The following TRPM2 variants were observed in gnomAD, a reference collection of about 807,000 sequenced individuals.
TRPM2 encodes estrogen-responsive element-associated gene 1 protein.
Under a neutral mutation model 174.0 loss-of-function variants are expected in TRPM2, and 161 were observed. The observed-to-expected ratio is 0.93, with a 90% confidence interval of 0.81 to 1.05. The LOEUF is 1.05. TRPM2 is among the 50% of genes least tolerant of loss of function. TRPM2 has a pLI of 0.00. For synonymous variants in TRPM2, 954 were observed against 861.3 expected (o/e 1.11, Z -1.88); for missense variants, 2,057 against 2,038.0 (o/e 1.01, Z -0.18).
At chr21:44,424,075 G>A (rs2050655745) in intron 23 of TRPM2, among the ~76,000 whole-genome samples, 1 of 152,166 alleles carries the variant, frequency 6.6e-6, no homozygotes, top group Admixed American at 6.5e-5. Flanking sequence ...CAAGACCGAG[G>A]TGGGGAGGAC....
Position 44,354,939 on chromosome 21 carries a change from C to T in TRPM2, c.254+203C>T, listed in dbSNP as rs1347562038. 6.6e-6 allele frequency among the ~76,000 whole-genome samples: 1 copy of T among 152,122 alleles called. No homozygotes were observed. On this transcript the variant is annotated intron_variant, in intron 2 of 31. Transcript: ENST00000397928. The surrounding 1 kb of genome is among the most constrained non-coding windows in gnomAD (Gnocchi z 4.3). ...TCGGGGACAGTTGACCCTCATCCTG[C>T]CTCGCAGGTGCAGGGACCAAAGTGC... is the stretch of plus-strand genomic sequence containing the variant.
rs1176528358 is a variant in TRPM2, at chr21:44,439,018, G to T, written c.4168-49G>T. 2 of 1,528,526 alleles carry T rather than the reference G, an allele frequency of 1.3e-6. No homozygotes were observed. The highest frequency in any genetic ancestry group is 1.4e-5 in the African/African-American group (1 of 73,196). The allele number at this position is 1,528,526 out of a possible 1,614,324, so 94.7% of individuals were successfully genotyped here. On this transcript the variant is annotated intron_variant, in intron 29 of 31. Coordinates refer to ENST00000397928, the MANE Select transcript of TRPM2 (RefSeq NM_003307.4). This position sits in a 1 kb window ranked among gnomAD's most constrained non-coding sequence, Gnocchi z 5.1. The stretch of plus-strand genomic sequence containing the variant: ...GAGACGGGTGCCAGGGCAGCCTGAG[G>T]TCCCGCTTCGGTGCCCTGTTGACCT...
intron 20 of TRPM2, 71 bp from the exon 21 acceptor site, chr21:44,417,856 G>A (rs544007386): frequency 6.7e-4 from 1,010 of 1,508,068 alleles, no homozygotes; most frequent in Non-Finnish European, 8.4e-4. Flanking sequence ...CAGTGGGCAC[G>A]CAGGCGGTGA....
intron 18 of TRPM2, 21 bp downstream of exon 18, chr21:44,406,058 G>C (rs1380835750): frequency 1.2e-6 from 2 of 1,600,696 alleles, no homozygotes; most frequent in Non-Finnish European, 1.7e-6. Context: ...GGGGGCACCG[G>C]CTCCATCGCG....
In TRPM2 at chr21:44,354,686, G is replaced by A. The variant is rs1210402676; in HGVS notation, c.204G>A (p.Lys68=). ...SLSSWIPENI[K]KKECVYFVES... Reference sequence around the variant, plus strand: ...GTTCGTGGATTCCTGAAAACATCAAGAAGAAAGAATGCGTGTATTTTGTGG... The same window carrying A: ...GTTCGTGGATTCCTGAAAACATCAAAAAGAAAGAATGCGTGTATTTTGTGG... The change falls in exon 2 of 32, where the codon AAG becomes AAA. Residue 68 remains lysine, a synonymous_variant. Transcript: ENST00000397928. This position sits in a 1 kb window ranked among gnomAD's most constrained non-coding sequence, Gnocchi z 4.3. The A allele has an allele frequency of 6.2e-7, 1 of 1,614,098 alleles. No homozygotes were observed. The highest frequency in any genetic ancestry group is 8.5e-7 in the Non-Finnish European group (1 of 1,180,048).
rs1213496495 is a variant in TRPM2, at chr21:44,399,968, G to A, written c.2209-291G>A. ...CTGTGCCAGGCCTAGGGAGGCCTGG[G>A]GAAGGGTCCTGTCCCCCACTGCAGA... is the stretch of plus-strand genomic sequence containing the variant. On this transcript the variant is annotated intron_variant, in intron 14 of 31. Transcript: ENST00000397928. The surrounding 1 kb of genome is among the most constrained non-coding windows in gnomAD (Gnocchi z 4.6). Among the ~76,000 whole-genome samples, 1 of 152,190 alleles carries A rather than the reference G, an allele frequency of 6.6e-6. No individual in the cohort carries two copies. The highest frequency in any genetic ancestry group is 1.5e-5 in the Non-Finnish European group (1 of 68,020).
At chr21:44,378,705 C>G (rs574194758) in intron 7 of TRPM2, among the ~76,000 whole-genome samples, 1 of 152,352 alleles carries the variant, frequency 6.6e-6, no homozygotes, top group African/African-American at 2.4e-5. Context: ...GCAGCGTCCC[C>G]TTTGCTGCGA....
chr21:44,385,563 T>C (rs2146222859), intron 9 of TRPM2, among the ~76,000 whole-genome samples: 2 of 152,250 alleles, frequency 1.3e-5, no homozygotes, highest in South Asian at 4.1e-4. Context: ...GAAAAAGAAA[T>C]AAAACTTATA....
In TRPM2 at chr21:44,391,029, A is replaced by G; in HGVS notation, c.1440+4A>G. On this transcript the variant is annotated splice_donor_region_variant and intron_variant, in intron 10 of 31. Transcript: ENST00000397928. The surrounding 1 kb of genome is among the most constrained non-coding windows in gnomAD (Gnocchi z 5.0). ...CATGGATGAGTGGCAGTGGAAGGTA[A>G]GTCTTCCAGAGCACCCCGTGGAGGG... The G allele has an allele frequency of 6.2e-7, 1 of 1,613,706 alleles. No individual in the cohort carries two copies. Among genetic ancestry groups the G allele is most frequent in the Non-Finnish European group, 8.5e-7 (1 of 1,180,000 alleles).
At position 44,379,214 on chromosome 21, in the gene TRPM2, C is replaced by T. The variant is rs118040005; in HGVS notation, c.1215+17C>T. On this transcript the variant is annotated intron_variant, in intron 8 of 31. Coordinates refer to ENST00000397928, the MANE Select transcript of TRPM2 (RefSeq NM_003307.4). ...ACCAAAAAGGTGAGGCTGACGGGCA[C>T]GACGGTCACCAGCATGTGGCTGCTT... 5.5e-5 allele frequency: 88 copies of T among 1,609,102 alleles called. No homozygotes were observed. Among genetic ancestry groups the T allele is most frequent in the Non-Finnish European group, 6.8e-5 (80 of 1,178,850 alleles).
At chr21:44,351,730 G>A (rs1005198059), upstream of TRPM2, among the ~76,000 whole-genome samples, 2 of 152,178 alleles carry the variant, frequency 1.3e-5, no homozygotes, top group African/African-American at 4.8e-5. Flanking sequence ...GCACTGGGTC[G>A]AGCCATTGGC....
At chr21:44,440,945 A>C in intron 31 of TRPM2, 40 bp downstream of exon 31, 1 of 1,577,608 alleles carries the variant, frequency 6.3e-7, no homozygotes, top group South Asian at 1.1e-5. Context: ...GTGGGGAGGC[A>C]GGGACGGGTA....
At chr21:44,370,836 T>C (rs2048517754) in intron 5 of TRPM2, among the ~76,000 whole-genome samples, 1 of 152,176 alleles carries the variant, frequency 6.6e-6, no homozygotes, top group Admixed American at 6.5e-5. Context: ...CCCAGGTCAC[T>C]CCTTACTTTC....
At chr21:44,398,636 G>T (rs2049509652) in intron 13 of TRPM2, among the ~76,000 whole-genome samples, 1 of 152,158 alleles carries the variant, frequency 6.6e-6, no homozygotes, top group Non-Finnish European at 1.5e-5. Context: ...GATCACAGGG[G>T]TCGAAGTGGG....
chr21:44,424,885 G>A lies in TRPM2; in HGVS notation c.3583G>A (p.Val1195Met), dbSNP rs780241742. The change falls in exon 24 of 32, where the codon GTG (valine) becomes ATG (methionine). Residue 1195 changes from valine to methionine, a missense_variant. Val to Met is a conservative substitution (Grantham distance 21). Transcript: ENST00000397928. ...GACAGCCCAAGCCCTGCACTGGATC[G>A]TGAGGACGCTGCGGGCCAGCGGCTT... ...AQTAQALHWI[V>M]RTLRASGFSS... 1.6e-5 allele frequency: 26 copies of A among 1,608,192 alleles called. No homozygotes were observed. The highest frequency in any genetic ancestry group is 2.7e-5 in the African/African-American group (2 of 74,952).
In TRPM2 at chr21:44,441,826, T is replaced by A; in HGVS notation, c.*9T>A. The A allele has an allele frequency of 1.3e-6, 2 of 1,597,602 alleles. No individual in the cohort carries two copies. The highest frequency in any genetic ancestry group is 1.7e-6 in the Non-Finnish European group (2 of 1,171,866). ...TCGGGGCTCACTACTGACTGTGCCC[T>A]CAGGCTGGGCGGCTCCAGTCCATAG... On this transcript the variant is annotated 3_prime_UTR_variant, in exon 32 of 32. Transcript: ENST00000397928.
intron 1 of TRPM2, 35 bp downstream of exon 1, chr21:44,353,900 G>A (rs186133156): frequency 3.4e-4 from 543 of 1,585,590 alleles, no homozygotes; most frequent in East Asian, 7.1e-4. Flanking sequence ...CAGTTGGCAC[G>A]TGGCCACGGA....
Position 44,405,932 on chromosome 21 carries a change from G to A in TRPM2, c.2685G>A (p.Gly895=), listed in dbSNP as rs760755041. 2.5e-5 allele frequency: 40 copies of A among 1,606,092 alleles called. No individual in the cohort carries two copies. In the South Asian group the frequency reaches 3.8e-4, roughly 15 times the overall value. ...CRLIPATLYP[G]RVILSLDFIL... ...TCATCCCGGCGACGCTGTACCCCGG[G>A]CGCGTCATCCTCTCTCTGGACTTCA... Residue 895 remains glycine (G), a synonymous_variant, in exon 18 of 32, where the codon GGG becomes GGA. Coordinates refer to ENST00000397928, the MANE Select transcript of TRPM2 (RefSeq NM_003307.4).
Position 44,441,799 on chromosome 21 carries a change from G to T in TRPM2, c.4494G>T (p.Glu1498Asp). ...CCCTCCTCCAGAAGGCAGCCGCTGA[G>T]TTCGGGGCTCACTACTGACTGTGCC... ...HKTLLQKAAA[E>D]FGAHY The change falls in exon 32 of 32, where the codon GAG (glutamate) becomes GAT (aspartate). Residue 1498 changes from glutamate to aspartate, a missense_variant. Physicochemically the swap from Glu to Asp is conservative, Grantham distance 45 (BLOSUM62 2). Transcript: ENST00000397928. 1 of 1,609,330 alleles carries T rather than the reference G, an allele frequency of 6.2e-7. No individual in the cohort carries two copies. Among genetic ancestry groups the T allele is most frequent in the Non-Finnish European group, 8.5e-7 (1 of 1,177,846 alleles).
Sources: gnomAD v4.1 joint callset for allele counts (sites outside exome capture counted in the v4.1 genomes callset) on GRCh38, gnomAD v4.1.1 for gene constraint, Gnocchi (gnomAD v3.1) non-coding constraint, MANE v1.5 for transcripts, NCBI Gene and HGNC (gene_info 2026-07-23, HGNC 2026-07-21) for gene names.